PRKN: variants seen among roughly 807,000 people sequenced by gnomAD.
PRKN encodes the protein E3 ubiquitin-protein ligase parkin.
Under a neutral mutation model 59.5 loss-of-function variants are expected in PRKN, and 56 were observed. The observed-to-expected ratio is 0.94, with a 90% CI of 0.76 to 1.18. The LOEUF is 1.18. Among genes scored for constraint, PRKN ranks in the 50% most tolerant of loss-of-function variants. The probability of loss-of-function intolerance (pLI) is 0.00; values close to 1 mark genes in which losing one functional copy is unlikely to be tolerated. For synonymous variants in PRKN, 250 were observed against 222.1 expected (o/e 1.13, Z -1.12); for missense variants, 657 against 596.4 (o/e 1.10, Z -1.06).
At chr6:162,345,905 T>C (rs1291871539) in intron 2 of PRKN, among the ~76,000 whole-genome samples, 2 of 152,024 alleles carry the variant, frequency 1.3e-5, no homozygotes, top group Non-Finnish European at 2.9e-5. Flanking sequence ...TATTTGGAGG[T>C]GGGGCCTTTG....
chr6:162,148,523 C>T (rs895762961), intron 4 of PRKN, among the ~76,000 whole-genome samples: 11 of 152,196 alleles, frequency 7.2e-5, no homozygotes, highest in African/African-American at 2.6e-4. Flanking sequence ...TCATTCAATC[C>T]TTAAAAGGTC....
intron 1 of PRKN, among the ~76,000 whole-genome samples, chr6:162,584,695 A>G (rs1780938224): frequency 6.6e-6 from 1 of 151,510 alleles, no homozygotes; most frequent in Admixed American, 6.6e-5. Context: ...AAATATTGTC[A>G]AAGTTCTTCA....
chr6:161,480,276 T>C lies in PRKN; in HGVS notation c.1083+68578A>G, dbSNP rs756920973. On this transcript the variant is annotated intron_variant, in intron 9 of 11. Coordinates refer to ENST00000366898, the MANE Select transcript of PRKN (RefSeq NM_004562.3). This position sits in a 1 kb window ranked among gnomAD's most constrained non-coding sequence, Gnocchi z 4.1. The stretch of plus-strand genomic sequence containing the variant: ...ATTTAGCATTTCAAGATATTAGCAG[T>C]AGAGCCTCAAACTCTGGGGGGCCCT... 2.0e-5 allele frequency among the ~76,000 whole-genome samples: 3 copies of C among 152,176 alleles called. No homozygotes were observed. The highest frequency in any genetic ancestry group is 4.4e-5 in the Non-Finnish European group (3 of 68,014).
intron 6 of PRKN, among the ~76,000 whole-genome samples, chr6:161,849,989 A>G (rs1793359409): frequency 6.6e-6 from 1 of 152,074 alleles, no homozygotes; most frequent in Non-Finnish European, 1.5e-5. Context: ...AGTCCCAAGG[A>G]TAGAGTAAGC....
intron 2 of PRKN, among the ~76,000 whole-genome samples, chr6:162,432,413 C>CTA (rs1190014942): frequency 1.3e-5 from 2 of 152,010 alleles, no homozygotes; most frequent in East Asian, 3.9e-4. Flanking sequence ...GTAATCCCAG[C>CTA]TACTAGCAGG....
chr6:161,406,247 G>A (rs1787272161), intron 9 of PRKN, among the ~76,000 whole-genome samples: 1 of 151,258 alleles, frequency 6.6e-6, no homozygotes, highest in South Asian at 2.1e-4. Flanking sequence ...CTTGATTTGA[G>A]GTGTTGGTTT....
intron 5 of PRKN, among the ~76,000 whole-genome samples, chr6:161,987,952 A>G (rs1455673405): frequency 6.6e-6 from 1 of 152,164 alleles, no homozygotes; most frequent in African/African-American, 2.4e-5. Flanking sequence ...GAAACATCCC[A>G]CAAGGCAAGA....
At chr6:162,615,039 GATC>G (rs1216666827) in intron 1 of PRKN, among the ~76,000 whole-genome samples, 2 of 152,108 alleles carry the variant, frequency 1.3e-5, no homozygotes, top group Non-Finnish European at 2.9e-5. Flanking sequence ...GCTGGAAGAA[GATC>G]ATTATGTCTT....
At chr6:162,678,012 A>G (rs760446817) in intron 1 of PRKN, among the ~76,000 whole-genome samples, 1 of 152,144 alleles carries the variant, frequency 6.6e-6, no homozygotes, top group African/African-American at 2.4e-5. Flanking sequence ...TTTGAATTAC[A>G]GATTAGTTTG....
intron 6 of PRKN, among the ~76,000 whole-genome samples, chr6:161,798,445 A>G (rs1393890273): frequency 3.3e-5 from 5 of 152,194 alleles, no homozygotes; most frequent in Admixed American, 3.3e-4. Context: ...AGATGGGACC[A>G]TCTCCAGAGA....
At chr6:162,344,694 T>C (rs1784323854) in intron 2 of PRKN, among the ~76,000 whole-genome samples, 1 of 151,878 alleles carries the variant, frequency 6.6e-6, no homozygotes, top group African/African-American at 2.4e-5. Flanking sequence ...CTACTAACAG[T>C]GGCTCTGAAA....
chr6:162,436,444 G>A (rs557554540), intron 2 of PRKN, among the ~76,000 whole-genome samples: 8 of 150,834 alleles, frequency 5.3e-5, no homozygotes, highest in East Asian at 2.0e-4. Context: ...GAGATTCTCC[G>A]CCTCAGCCTT....
At chr6:162,440,989 A>C (rs1790022289) in intron 2 of PRKN, among the ~76,000 whole-genome samples, 1 of 152,064 alleles carries the variant, frequency 6.6e-6, no homozygotes, top group Non-Finnish European at 1.5e-5. Context: ...CTTTACAGTG[A>C]AACTCTTCTA....
At chr6:161,804,496 C>T (rs1362660869) in intron 6 of PRKN, among the ~76,000 whole-genome samples, 2 of 152,150 alleles carry the variant, frequency 1.3e-5, no homozygotes, top group African/African-American at 4.8e-5. Flanking sequence ...CTCTGAACTC[C>T]CTCTCCATCC....
At chr6:162,436,750 T>G (rs146489589) in intron 2 of PRKN, among the ~76,000 whole-genome samples, 3 of 123,776 alleles carry the variant, frequency 2.4e-5, no homozygotes, top group African/African-American at 7.5e-5. Context: ...AAATAAATAC[T>G]CATCATGTCT....
chr6:162,441,928 A>T (rs867090112), intron 2 of PRKN, among the ~76,000 whole-genome samples: 3 of 152,286 alleles, frequency 2.0e-5, no homozygotes, highest in South Asian at 4.1e-4. Flanking sequence ...AGCTGTTTTA[A>T]AATTATTTAT....
chr6:161,564,567 G>A (rs1481912587), intron 8 of PRKN, among the ~76,000 whole-genome samples: 1 of 152,136 alleles, frequency 6.6e-6, no homozygotes, highest in Non-Finnish European at 1.5e-5. Context: ...ACCCTCAAAT[G>A]TTTTTGTGTC....
chr6:162,343,877 C>T (rs1470726599), intron 2 of PRKN, among the ~76,000 whole-genome samples: 2 of 152,134 alleles, frequency 1.3e-5, no homozygotes, highest in Admixed American at 6.6e-5. Context: ...AAAAACGTTA[C>T]TTATGAAATA....
chr6:162,202,488 C>G (rs888651133), intron 3 of PRKN, among the ~76,000 whole-genome samples: 22 of 152,122 alleles, frequency 1.4e-4, no homozygotes, highest in African/African-American at 5.3e-4. Flanking sequence ...AATTATTACT[C>G]TATAAAGATT....
Sources: gnomAD v4.1 joint callset for allele counts (sites outside exome capture counted in the v4.1 genomes callset) on GRCh38, gnomAD v4.1.1 for gene constraint, Gnocchi (gnomAD v3.1) non-coding constraint, MANE v1.5 for transcripts, NCBI Gene and HGNC (gene_info 2026-07-23, HGNC 2026-07-21) for gene names.